Variants in LRP1B observed in about 807,000 individuals in gnomAD.
The protein encoded by LRP1B is LDL receptor related protein 1B.
A neutral mutation model predicts 556.6 loss-of-function variants in LRP1B; 217 were observed. The ratio of observed to expected loss-of-function variants is 0.39; its 90% confidence interval spans 0.35 to 0.44. The LOEUF (loss-of-function observed/expected upper bound fraction) is 0.44, where lower values mean the gene tolerates loss of function less well. LRP1B is among the 20% of genes least tolerant of loss of function. The probability of loss-of-function intolerance (pLI) is 1.00; values close to 1 mark genes in which losing one functional copy is unlikely to be tolerated. For missense variants in LRP1B, 5,053 were observed against 5,620.8 expected, an observed-to-expected ratio of 0.90 and a Z score of 3.23; for synonymous variants, 2,047 against 1,865.8, an observed-to-expected ratio of 1.10 and a Z score of -2.50.
intron 35 of LRP1B, among the ~76,000 whole-genome samples, chr2:140,757,669 C>T (rs1688782525): frequency 6.6e-6 from 1 of 152,118 alleles, no homozygotes; most frequent in South Asian, 2.1e-4. Context: ...TCATTTGAGG[C>T]CAGGAGTTAG....
At position 141,240,373 on chromosome 2, in the gene LRP1B, A is replaced by T. The variant is rs1203345497; in HGVS notation, c.592+6853T>A. Among the ~76,000 whole-genome samples, 35 of 151,760 alleles carry T rather than the reference A, an allele frequency of 2.3e-4. 1 individual carries two copies. The highest frequency in any genetic ancestry group is 2.9e-5 in the Non-Finnish European group (2 of 67,920). ...AAAATCAATTTTTTTTTCTTAAAAA[A>T]TGTCAAAATTATTCTGTCTACTCGG... On this transcript the variant is annotated intron_variant, in intron 5 of 90. Coordinates refer to ENST00000389484, the MANE Select transcript of LRP1B (RefSeq NM_018557.3).
At chr2:140,621,217 T>C (rs1316077573) in intron 41 of LRP1B, among the ~76,000 whole-genome samples, 1 of 149,438 alleles carries the variant, frequency 6.7e-6, no homozygotes, top group Admixed American at 6.7e-5. Flanking sequence ...CCATCTCTAC[T>C]AAAAATACAA....
At position 142,130,942 on chromosome 2, in the gene LRP1B, G is replaced by A. The variant is rs191951063; in HGVS notation, c.-213C>T. 1.7e-6 allele frequency: 1 copy of A among 603,834 alleles called. No individual in the cohort carries two copies. Among genetic ancestry groups the A allele is most frequent in the Non-Finnish European group, 3.0e-6 (1 of 336,006 alleles). 37.4% of individuals were successfully genotyped at this position (603,834 alleles called of 1,614,324 possible). On this transcript the variant is annotated 5_prime_UTR_variant, in exon 1 of 91. Coordinates refer to ENST00000389484, the MANE Select transcript of LRP1B (RefSeq NM_018557.3). Reference sequence around the variant, plus strand: ...AAGGTGGAGGGATGCGCGCGTGCGGGAGAGAGGAGGCAGAGCGTGTGTGAG... The same window carrying A: ...AAGGTGGAGGGATGCGCGCGTGCGGAAGAGAGGAGGCAGAGCGTGTGTGAG...
At chr2:140,426,447 A>ACATC (rs1685657595) in intron 66 of LRP1B, among the ~76,000 whole-genome samples, 1 of 152,134 alleles carries the variant, frequency 6.6e-6, no homozygotes, top group Non-Finnish European at 1.5e-5. Context: ...CTGCATTTAC[A>ACATC]CATCCAGATG....
chr2:142,075,884 G>T (rs572318709), intron 1 of LRP1B, among the ~76,000 whole-genome samples: 1 of 152,062 alleles, frequency 6.6e-6, no homozygotes, highest in East Asian at 1.9e-4. Context: ...AGCCCATAGG[G>T]GCTTGACTAA....
Position 140,991,048 on chromosome 2 carries a change from A to G in LRP1B, c.2645-1391T>C, listed in dbSNP as rs534219975. 6.8e-4 allele frequency among the ~76,000 whole-genome samples: 104 copies of G among 152,234 alleles called. 1 individual carries two copies. Among genetic ancestry groups the G allele is most frequent in the African/African-American group, 2.3e-3 (96 of 41,548 alleles). ...TATTGATGTATAGTAAAAAAACAAAACAAAACAAAAAAATAGGGAGAAAAG... is the reference window on the plus strand; with the variant it reads ...TATTGATGTATAGTAAAAAAACAAAGCAAAACAAAAAAATAGGGAGAAAAG... On this transcript the variant is annotated intron_variant, in intron 16 of 90. Coordinates refer to ENST00000389484, the MANE Select transcript of LRP1B (RefSeq NM_018557.3).
intron 43 of LRP1B, among the ~76,000 whole-genome samples, chr2:140,583,762 G>A (rs1681873911): frequency 7.0e-6 from 1 of 143,242 alleles, no homozygotes; most frequent in Non-Finnish European, 1.6e-5. Context: ...TTAGCATCTT[G>A]ATTTTTATTT....
intron 32 of LRP1B, among the ~76,000 whole-genome samples, chr2:140,811,867 A>T (rs1573750783): frequency 6.6e-6 from 1 of 152,228 alleles, no homozygotes; most frequent in East Asian, 1.9e-4. Context: ...TAACTTCTGG[A>T]TATATACAAT....
At chr2:140,553,612 A>G (rs1029751004) in intron 43 of LRP1B, among the ~76,000 whole-genome samples, 2 of 152,076 alleles carry the variant, frequency 1.3e-5, no homozygotes, top group Admixed American at 1.3e-4. Context: ...TCAAGTCTTT[A>G]GGAAGATTGT....
intron 63 of LRP1B, among the ~76,000 whole-genome samples, chr2:140,447,756 G>C (rs542454027): frequency 9.2e-5 from 14 of 152,192 alleles, no homozygotes; most frequent in African/African-American, 3.4e-4. Context: ...TTCTCACTAA[G>C]CTTAATAATT....
intron 11 of LRP1B, among the ~76,000 whole-genome samples, chr2:141,022,853 T>C (rs2105401374): frequency 6.6e-6 from 1 of 152,082 alleles, no homozygotes; most frequent in Non-Finnish European, 1.5e-5. Context: ...ATTATAAAAT[T>C]CATATTTTCT....
chr2:142,012,939 A>G (rs764446529), intron 1 of LRP1B, among the ~76,000 whole-genome samples: 10 of 152,170 alleles, frequency 6.6e-5, no homozygotes, highest in Non-Finnish European at 1.3e-4. Context: ...GGAGTATTAT[A>G]TAATATGACA....
intron 37 of LRP1B, among the ~76,000 whole-genome samples, chr2:140,710,263 A>T (rs938545908): frequency 6.6e-6 from 1 of 152,068 alleles, no homozygotes. Context: ...AGAAATGAGG[A>T]GACTTGTTGA....
chr2:141,475,031 G>A (rs1391399757), intron 3 of LRP1B, among the ~76,000 whole-genome samples: 1 of 152,152 alleles, frequency 6.6e-6, no homozygotes, highest in Non-Finnish European at 1.5e-5. Flanking sequence ...AACAGGATAA[G>A]GGCAGATGCT....
intron 1 of LRP1B, among the ~76,000 whole-genome samples, chr2:141,894,632 TATTTAGATCTAGATCTAGATCTAG>T (rs1449746625): frequency 7.5e-6 from 1 of 132,860 alleles, no homozygotes; most frequent in African/African-American, 2.8e-5. Flanking sequence ...CTAAATAGAA[TATTTAGATCTAGATCTAGATCTAG>T]ATCTAGATCT....
At chr2:140,890,976 A>G (rs940001770) in intron 23 of LRP1B, among the ~76,000 whole-genome samples, 26 of 152,088 alleles carry the variant, frequency 1.7e-4, no homozygotes, top group Non-Finnish European at 2.9e-4. Context: ...GTAGCCATCC[A>G]TTTTTACTGT....
At chr2:141,846,802 T>C (rs1413153617) in intron 1 of LRP1B, among the ~76,000 whole-genome samples, 1 of 151,216 alleles carries the variant, frequency 6.6e-6, no homozygotes, top group Admixed American at 6.6e-5. Context: ...ATAAAAAAAA[T>C]AAAAGCTTTA....
chr2:140,464,492 T>C (rs1247885104), intron 60 of LRP1B, among the ~76,000 whole-genome samples: 1 of 152,196 alleles, frequency 6.6e-6, no homozygotes, highest in African/African-American at 2.4e-5. Flanking sequence ...TTCCTGTTAA[T>C]GAATGTGAAG....
At chr2:141,821,673 T>G (rs142943730) in intron 1 of LRP1B, among the ~76,000 whole-genome samples, 1 of 152,250 alleles carries the variant, frequency 6.6e-6, no homozygotes, top group African/African-American at 2.4e-5. Context: ...ATAATGTCCT[T>G]CACCAAAAAA....
Sources: allele counts gnomAD v4.1 joint callset (sites outside exome capture counted in the v4.1 genomes callset), GRCh38; gene constraint gnomAD v4.1.1; transcripts MANE v1.5; gene names NCBI Gene and HGNC (gene_info 2026-07-23, HGNC 2026-07-21).